The following PKP4 variants were observed in gnomAD, a reference collection of about 807,000 sequenced individuals.
The protein encoded by PKP4 is plakophilin-4.
PKP4 carries 90 observed loss-of-function variants against 145.1 expected under a neutral mutation model. The observed-to-expected ratio is 0.62, with a 90% CI of 0.52 to 0.74. The LOEUF is 0.74. Among genes scored for constraint, PKP4 ranks in the 30% least tolerant of loss-of-function variants. PKP4 has a pLI of 0.00. For synonymous variants in PKP4, 563 were observed against 577.2 expected (o/e 0.98, Z 0.35); for missense variants, 1,340 against 1,482.7 (o/e 0.90, Z 1.58).
At chr2:158,607,921 G>T (rs1356197492) in intron 4 of PKP4, among the ~76,000 whole-genome samples, 1 of 152,024 alleles carries the variant, frequency 6.6e-6, no homozygotes, top group African/African-American at 2.4e-5. Flanking sequence ...CATCTTCAGG[G>T]TTTTTATCAT....
At chr2:158,641,456 C>T (rs1042493191) in intron 10 of PKP4, among the ~76,000 whole-genome samples, 7 of 151,986 alleles carry the variant, frequency 4.6e-5, no homozygotes, top group African/African-American at 1.2e-4. Flanking sequence ...TTATAACCAT[C>T]ACTAAGGCTG....
chr2:158,496,998 A>G lies in PKP4; in HGVS notation c.-5-36182A>G, dbSNP rs560195798. Among the ~76,000 whole-genome samples the G allele has an allele frequency of 5.3e-5, 8 of 152,222 alleles. No individual in the cohort carries two copies. The South Asian group carries it at 8.3e-4, about 16-fold the overall frequency. ...AAGTCCCACTAACAGATTTTTTTCT[A>G]TGCATTTTTAGTGATATGTTGATTT... On this transcript the variant is annotated intron_variant, in intron 1 of 21. Coordinates refer to ENST00000389759, the MANE Select transcript of PKP4 (RefSeq NM_003628.6).
rs981600482 is a variant in PKP4, at chr2:158,473,285, C to A, written c.-6+16067C>A. On this transcript the variant is annotated intron_variant, in intron 1 of 21. Coordinates refer to ENST00000389759, the MANE Select transcript of PKP4 (RefSeq NM_003628.6). ...AAGAGCTGAAAGCAGAACTACCATT[C>A]GACCCAGCAATCCCACTACTGGGTA... 2.0e-5 allele frequency among the ~76,000 whole-genome samples: 3 copies of A among 152,194 alleles called. 1 individual carries two copies. The South Asian group carries it at 6.2e-4, about 32-fold the overall frequency.
At chr2:158,578,215 T>A in intron 3 of PKP4, 1 of 244,182 alleles carries the variant, frequency 4.1e-6, no homozygotes, top group Non-Finnish European at 8.9e-6. Flanking sequence ...TGAATAGAAT[T>A]CTGTCTGTTG....
intron 1 of PKP4, among the ~76,000 whole-genome samples, chr2:158,467,549 C>A (rs377703640): frequency 0.025 from 3,134 of 127,236 alleles, no homozygotes; most frequent in Middle Eastern, 0.03. Flanking sequence ...GAGACCTTGT[C>A]AAAAAAAAAA....
At chr2:158,493,473 G>A (rs1695247405) in intron 1 of PKP4, among the ~76,000 whole-genome samples, 1 of 152,068 alleles carries the variant, frequency 6.6e-6, no homozygotes. Context: ...TTTCCATGTG[G>A]TTACCCTAGC....
intron 2 of PKP4, among the ~76,000 whole-genome samples, chr2:158,540,371 A>T (rs2044411324): frequency 6.6e-6 from 1 of 152,188 alleles, no homozygotes; most frequent in Non-Finnish European, 1.5e-5. Flanking sequence ...TAGTTAATGA[A>T]CTAAAAATGT....
In PKP4 at chr2:158,485,746, A is replaced by G. The variant is rs188434909; in HGVS notation, c.-6+28528A>G. Among the ~76,000 whole-genome samples the G allele has an allele frequency of 1.5e-3, 226 of 152,340 alleles. 1 individual carries two copies. Among genetic ancestry groups the G allele is most frequent in the African/African-American group, 5.0e-3 (208 of 41,586 alleles). ...AATTTCTGTATGCCTACTGGATTCT[A>G]ATACAAAAAAAAGTGTAACTTCATA... On this transcript the variant is annotated intron_variant, in intron 1 of 21. Coordinates refer to ENST00000389759, the MANE Select transcript of PKP4 (RefSeq NM_003628.6).
chr2:158,657,850 T>G (rs995828401), intron 11 of PKP4, among the ~76,000 whole-genome samples: 23 of 152,178 alleles, frequency 1.5e-4, no homozygotes, highest in African/African-American at 5.5e-4. Flanking sequence ...TAATTTGCTT[T>G]GCAAAATCCA....
chr2:158,475,344 T>A (rs779230840), intron 1 of PKP4, among the ~76,000 whole-genome samples: 2 of 152,204 alleles, frequency 1.3e-5, no homozygotes, highest in Non-Finnish European at 2.9e-5. Flanking sequence ...TTCATTCTTT[T>A]TTTTTGTCTT....
At chr2:158,552,827 A>G (rs1053713997) in intron 2 of PKP4, among the ~76,000 whole-genome samples, 4 of 152,250 alleles carry the variant, frequency 2.6e-5, no homozygotes, top group South Asian at 2.1e-4. Context: ...ACCAATGTAC[A>G]TGCCTTAATT....
At chr2:158,515,513 A>T (rs2041865472) in intron 1 of PKP4, among the ~76,000 whole-genome samples, 1 of 152,144 alleles carries the variant, frequency 6.6e-6, no homozygotes, top group African/African-American at 2.4e-5. Context: ...ACAGAATTTC[A>T]TGTTTTTGGT....
At chr2:158,617,032 A>G (rs2051697416) in intron 4 of PKP4, among the ~76,000 whole-genome samples, 2 of 152,178 alleles carry the variant, frequency 1.3e-5, no homozygotes, top group Admixed American at 6.5e-5. Flanking sequence ...CCAGATTTTC[A>G]TAGCCCTACA....
At chr2:158,657,176 C>T (rs1026517949) in intron 11 of PKP4, among the ~76,000 whole-genome samples, 1 of 152,210 alleles carries the variant, frequency 6.6e-6, no homozygotes, top group Non-Finnish European at 1.5e-5. Flanking sequence ...ACCATCTCTT[C>T]TCCACCTACT....
intron 1 of PKP4, among the ~76,000 whole-genome samples, chr2:158,520,001 C>G (rs1297730374): frequency 6.6e-6 from 1 of 152,074 alleles, no homozygotes; most frequent in South Asian, 2.1e-4. Flanking sequence ...AAAAATGAAC[C>G]CGTAGTACTT....
At chr2:158,670,998 T>C (rs1162600172) in intron 17 of PKP4, among the ~76,000 whole-genome samples, 1 of 152,092 alleles carries the variant, frequency 6.6e-6, no homozygotes, top group Non-Finnish European at 1.5e-5. Context: ...GGCAGCCCTC[T>C]CCCCCAAACC....
At position 158,680,394 on chromosome 2, in the gene PKP4, G is replaced by C. The variant is rs181147598; in HGVS notation, c.3331-35G>C. The stretch of plus-strand genomic sequence containing the variant: ...CTAACACATGTATTTTTAAAAAATT[G>C]CTTTTATTTATTTGCCTTTTCATTT... On this transcript the variant is annotated intron_variant, in intron 21 of 21. Transcript: ENST00000389759. 8.5e-6 allele frequency: 13 copies of C among 1,522,114 alleles called. No homozygotes were observed. The African/African-American group carries it at 1.4e-4, about 16-fold the overall frequency. 94.3% of individuals were successfully genotyped at this position (1,522,114 alleles called of 1,614,324 possible). A position where few individuals can be genotyped will look rare whatever the true frequency, so the allele number is the denominator to read the frequency against.
At chr2:158,489,177 CATT>C (rs1694590208) in intron 1 of PKP4, among the ~76,000 whole-genome samples, 1 of 151,830 alleles carries the variant, frequency 6.6e-6, no homozygotes, top group Admixed American at 6.6e-5. Flanking sequence ...CTTCAGAAAT[CATT>C]ATTGTAGGTG....
chr2:158,634,387 A>G (rs995522210), intron 9 of PKP4, 98 bp downstream of exon 9: 10 of 768,322 alleles, frequency 1.3e-5, no homozygotes, highest in African/African-American at 1.2e-4. Flanking sequence ...CTATTATACT[A>G]TCATTATACT....
Sources: allele counts gnomAD v4.1 joint callset (sites outside exome capture counted in the v4.1 genomes callset), GRCh38; gene constraint gnomAD v4.1.1; transcripts MANE v1.5; gene names NCBI Gene and HGNC (gene_info 2026-07-23, HGNC 2026-07-21).